Variants in BMERB1 observed in about 807,000 individuals in gnomAD.
BMERB1 encodes the protein bMERB domain containing 1.
BMERB1 carries 12 observed loss-of-function variants against 23.6 expected under a neutral mutation model. The observed-to-expected ratio is 0.51, with a 90% CI of 0.33 to 0.82. The LOEUF is 0.82. Among genes scored for constraint, BMERB1 ranks in the 40% least tolerant of loss-of-function variants. The probability of loss-of-function intolerance (pLI) is 0.03; values close to 1 mark genes in which losing one functional copy is unlikely to be tolerated. For synonymous variants in BMERB1, 122 were observed against 96.6 expected (o/e 1.26, Z -1.54); for missense variants, 247 against 255.4 (o/e 0.97, Z 0.22).
chr16:15,502,345 G>A (rs12931165), intron 1 of BMERB1: 19 of 1,551,226 alleles, frequency 1.2e-5, no homozygotes, highest in South Asian at 2.4e-5. Context: ...TCACAGAGAC[G>A]GGATGTATGG....
chr16:15,435,891 A>T (rs577617388), intron 1 of BMERB1, among the ~76,000 whole-genome samples: 16 of 152,244 alleles, frequency 1.1e-4, no homozygotes, highest in African/African-American at 3.9e-4. Context: ...ATGGGCTAGG[A>T]TGGATGTCAT....
chr16:15,533,838 A>G (rs976877478), intron 2 of BMERB1, among the ~76,000 whole-genome samples: 4 of 152,112 alleles, frequency 2.6e-5, no homozygotes, highest in Non-Finnish European at 4.4e-5. Flanking sequence ...AGTCCATAAG[A>G]TGTTGCACCT....
At chr16:15,565,090 G>T (rs2030527431) in intron 2 of BMERB1, among the ~76,000 whole-genome samples, 1 of 150,878 alleles carries the variant, frequency 6.6e-6, no homozygotes, top group South Asian at 2.1e-4. Context: ...GGCATTCCTT[G>T]ATAGCAACAC....
At chr16:15,554,557 G>A (rs1267636831) in intron 2 of BMERB1, among the ~76,000 whole-genome samples, 1 of 151,856 alleles carries the variant, frequency 6.6e-6, no homozygotes, top group Non-Finnish European at 1.5e-5. Context: ...CCAGCTACTT[G>A]GGAGGCTGAA....
In BMERB1 at chr16:15,554,586, C is replaced by T. The variant is rs903026630; in HGVS notation, c.231-13397C>T. Among the ~76,000 whole-genome samples, 3 of 151,652 alleles carry T rather than the reference C, an allele frequency of 2.0e-5. No individual in the cohort carries two copies. In the East Asian group the frequency reaches 5.8e-4, roughly 29 times the overall value. On this transcript the variant is annotated intron_variant, in intron 2 of 5. Coordinates refer to ENST00000300006, the MANE Select transcript of BMERB1 (RefSeq NM_033201.3). ...GGCTGAAGCAGGAGGATCCCTTAAG[C>T]CCAGGAGTTCAAGTCCAGCCTGGGC...
At chr16:15,453,240 T>A (rs1267038860) in intron 1 of BMERB1, among the ~76,000 whole-genome samples, 1 of 152,144 alleles carries the variant, frequency 6.6e-6, no homozygotes, top group Non-Finnish European at 1.5e-5. Context: ...ACAGGGTTAA[T>A]GCTCGAAATT....
chr16:15,514,321 T>C (rs750108104), intron 1 of BMERB1, among the ~76,000 whole-genome samples: 6 of 152,074 alleles, frequency 3.9e-5, no homozygotes, highest in Non-Finnish European at 8.8e-5. Flanking sequence ...TACTATAAGA[T>C]AATTATGATA....
At chr16:15,484,536 G>A (rs2051351805) in intron 1 of BMERB1, among the ~76,000 whole-genome samples, 1 of 151,982 alleles carries the variant, frequency 6.6e-6, no homozygotes, top group Non-Finnish European at 1.5e-5. Flanking sequence ...CAAATAGCTG[G>A]GACTACAGGC....
chr16:15,515,539 C>G, intron 2 of BMERB1, 111 bp downstream of exon 2: 1 of 1,393,746 alleles, frequency 7.2e-7, no homozygotes, highest in Admixed American at 2.9e-5. Context: ...AGGCATTATG[C>G]ACGTTTTTAA....
intron 2 of BMERB1, among the ~76,000 whole-genome samples, chr16:15,517,680 G>GCTGCT (rs10659795): frequency 0.38 from 57,926 of 151,596 alleles, 12,144 homozygotes; most frequent in African/African-American, 0.52. Context: ...ACCTAATGGT[G>GCTGCT]CTGCTGCAGG....
At chr16:15,468,965 C>G (rs1296967697) in intron 1 of BMERB1, among the ~76,000 whole-genome samples, 1 of 126,410 alleles carries the variant, frequency 7.9e-6, no homozygotes, top group South Asian at 2.5e-4. Flanking sequence ...CATCTTCACA[C>G]TTTTTTTTTT....
chr16:15,554,945 C>G (rs1388023903), intron 2 of BMERB1, among the ~76,000 whole-genome samples: 1 of 152,126 alleles, frequency 6.6e-6, no homozygotes, highest in African/African-American at 2.4e-5. Context: ...GGATTACAGA[C>G]TTGAGCCACC....
chr16:15,502,392 G>A (rs1296130904), intron 1 of BMERB1: 2 of 1,539,200 alleles, frequency 1.3e-6, no homozygotes, highest in Non-Finnish European at 8.8e-7. Flanking sequence ...ATCGCTCTTG[G>A]GGGCCCAGTG....
At chr16:15,578,430 A>G (rs1218005635) in intron 3 of BMERB1, among the ~76,000 whole-genome samples, 1 of 152,124 alleles carries the variant, frequency 6.6e-6, no homozygotes, top group Non-Finnish European at 1.5e-5. Context: ...GTATGACCTC[A>G]TTTTAGCTTA....
intron 1 of BMERB1, among the ~76,000 whole-genome samples, chr16:15,499,405 A>G (rs780966395): frequency 6.6e-6 from 1 of 152,072 alleles, no homozygotes; most frequent in Non-Finnish European, 1.5e-5. Flanking sequence ...CTAAAAAAAT[A>G]AAAATAAAAA....
intron 2 of BMERB1, among the ~76,000 whole-genome samples, chr16:15,550,700 G>T (rs565366506): frequency 3.3e-5 from 5 of 152,268 alleles, no homozygotes; most frequent in African/African-American, 9.6e-5. Flanking sequence ...TATGGGAACA[G>T]AAGATGACAG....
At chr16:15,449,046 G>A (rs143419687) in intron 1 of BMERB1, among the ~76,000 whole-genome samples, 4 of 152,220 alleles carry the variant, frequency 2.6e-5, no homozygotes, top group East Asian at 1.9e-4. Context: ...AGTAAGTCAC[G>A]TCTTTCTGAA....
chr16:15,537,389 C>T (rs765896690), intron 2 of BMERB1, among the ~76,000 whole-genome samples: 1 of 151,352 alleles, frequency 6.6e-6, no homozygotes. Flanking sequence ...GCATCTCGCT[C>T]TGTTGCCCAG....
chr16:15,575,009 AG>A (rs2030822701), intron 3 of BMERB1, among the ~76,000 whole-genome samples: 1 of 152,044 alleles, frequency 6.6e-6, no homozygotes. Context: ...AACTCGGGAG[AG>A]GGGGGTTGCA....
Sources: allele counts gnomAD v4.1 joint callset (sites outside exome capture counted in the v4.1 genomes callset), GRCh38; gene constraint gnomAD v4.1.1; transcripts MANE v1.5; gene names NCBI Gene and HGNC (gene_info 2026-07-23, HGNC 2026-07-21).